RAP1A: variants seen among roughly 807,000 people sequenced by gnomAD.
RAP1A encodes RAP1A, member of RAS oncogene family.
In RAP1A, 6 loss-of-function variants were observed where a neutral mutation model predicts 26.4. That is an observed-to-expected ratio of 0.23 (90% CI 0.12 to 0.45). The LOEUF is 0.45. Ranked by LOEUF, RAP1A falls within the 20% of genes least tolerant of loss-of-function variation. The pLI is 0.99. For missense variants in RAP1A, 121 were observed against 217.2 expected (o/e 0.56, Z 2.78); for synonymous variants, 73 against 79.4 (o/e 0.92, Z 0.43).
chr1:111,616,070 T>G (rs971211059), upstream of RAP1A, among the ~76,000 whole-genome samples: 1 of 152,002 alleles, frequency 6.6e-6, no homozygotes, highest in African/African-American at 2.4e-5. Flanking sequence ...GGTAGTGCCA[T>G]GAACAGAAAA....
rs866563379 is a variant in RAP1A, at chr1:111,574,212, G to A, written c.-28+31703G>A. Among the ~76,000 whole-genome samples, 47 of 152,298 alleles carry A rather than the reference G, an allele frequency of 3.1e-4. 1 individual carries two copies. The highest frequency in any genetic ancestry group is 3.4e-3 in the Middle Eastern group (1 of 294). ...CACCTAGCACTATGTATTGAATAAG[G>A]AGCCCTTTCCTCATTGCTTGTTTTT... On this transcript the variant is annotated intron_variant, in intron 1 of 7. Coordinates refer to the RAP1A transcript ENST00000356415.
At chr1:111,608,116 C>G (rs1658842078) in intron 1 of RAP1A, 1 of 166,962 alleles carries the variant, frequency 6.0e-6, no homozygotes, top group Non-Finnish European at 1.3e-5. Flanking sequence ...GGGTGACTGC[C>G]GGGCGGAGGG....
At chr1:111,617,078 T>C (rs1659027870), upstream of RAP1A, among the ~76,000 whole-genome samples, 1 of 152,086 alleles carries the variant, frequency 6.6e-6, no homozygotes, top group Non-Finnish European at 1.5e-5. Flanking sequence ...GTGTGTGTTA[T>C]ATGCAGGATG....
chr1:111,695,368 G>A lies in RAP1A; in HGVS notation c.85G>A (p.Val29Ile). Residue 29 changes from valine to isoleucine, a missense_variant, in exon 3 of 8, where the codon GTT becomes ATT. Physicochemically the swap from Val to Ile is conservative, Grantham distance 29 (BLOSUM62 3). Transcript: ENST00000369709. The part of the protein sequence containing the change: ...LTVQFVQGIF[V>I]EKYDPTIEDS... ...AGTTCAGTTTGTTCAGGGAATTTTT[G>A]TTGAAAAATATGACCCAACGATAGA... The A allele has an allele frequency of 6.4e-7, 1 of 1,560,408 alleles. No individual in the cohort carries two copies. Among genetic ancestry groups the A allele is most frequent in the Admixed American group, 2.1e-5 (1 of 48,164 alleles).
At chr1:111,709,498 AGT>A (rs1243335970) in intron 7 of RAP1A, among the ~76,000 whole-genome samples, 1 of 152,190 alleles carries the variant, frequency 6.6e-6, no homozygotes, top group Non-Finnish European at 1.5e-5. Context: ...CTGTGTCCCC[AGT>A]GCTTGATACA....
intron 4 of RAP1A, among the ~76,000 whole-genome samples, chr1:111,698,568 T>C (rs1342088332): frequency 1.3e-5 from 2 of 152,086 alleles, no homozygotes; most frequent in East Asian, 3.9e-4. Flanking sequence ...GGCACCTGGC[T>C]GGCATTTTTA....
At chr1:111,658,544 T>C (rs1660535840) in intron 1 of RAP1A, among the ~76,000 whole-genome samples, 1 of 152,226 alleles carries the variant, frequency 6.6e-6, no homozygotes, top group African/African-American at 2.4e-5. Flanking sequence ...TTTTTTACTT[T>C]TTAGACATTT....
At chr1:111,639,859 TG>T in intron 1 of RAP1A, among the ~76,000 whole-genome samples, 1 of 152,240 alleles carries the variant, frequency 6.6e-6, no homozygotes, top group East Asian at 1.9e-4. Context: ...TCTATCAAAG[TG>T]AAAAGCCAAC....
rs201725303 is a variant in RAP1A, at chr1:111,619,884, AGGAGGAGGT to A, written c.-51_-43del. 355 of 243,882 alleles carry A rather than the reference AGGAGGAGGT, an allele frequency of 1.5e-3. 1 individual carries two copies. Among genetic ancestry groups the A allele is most frequent in the South Asian group, 1.7e-3 (10 of 5,902 alleles). The allele number at this position is 243,882 out of a possible 1,614,324, so 15.1% of individuals were successfully genotyped here. ...ACGGCCGAGAGGAGGGAGGAGGAGG[AGGAGGAGGT>A]GGAGGAGGTGGAGGAGGTGGAGGAG... On this transcript the variant is annotated 5_prime_UTR_variant, in exon 1 of 8. Transcript: ENST00000369709.
intron 1 of RAP1A, among the ~76,000 whole-genome samples, chr1:111,668,099 A>G (rs535506492): frequency 6.6e-6 from 1 of 152,322 alleles, no homozygotes; most frequent in South Asian, 2.1e-4. Context: ...TTATTCTTTG[A>G]CATTTTATAG....
Position 111,630,641 on chromosome 1 carries a change from A to G in RAP1A, c.-28+10707A>G, listed in dbSNP as rs143642050. ...AAGCTCGCTGAGATGGTGATATTTA[A>G]TGTGGCACCTGAATTACAAAATGCC... is the stretch of plus-strand genomic sequence containing the variant. On this transcript the variant is annotated intron_variant, in intron 1 of 7. Coordinates refer to ENST00000369709, the MANE Select transcript of RAP1A (RefSeq NM_002884.4). Among the ~76,000 whole-genome samples, 478 of 152,294 alleles carry G rather than the reference A, an allele frequency of 3.1e-3. 2 individuals are homozygous for G. The highest frequency in any genetic ancestry group is 0.01 in the African/African-American group (430 of 41,574).
intron 1 of RAP1A, among the ~76,000 whole-genome samples, chr1:111,576,119 T>C (rs1438460223): frequency 6.6e-6 from 1 of 152,148 alleles, no homozygotes; most frequent in Non-Finnish European, 1.5e-5. Flanking sequence ...AACTTTAAAG[T>C]GCATATGGAT....
At chr1:111,684,054 CAAAA>C (rs1346186428) in intron 1 of RAP1A, among the ~76,000 whole-genome samples, 3 of 152,068 alleles carry the variant, frequency 2.0e-5, no homozygotes, top group Admixed American at 1.3e-4. Flanking sequence ...GAACCAATGA[CAAAA>C]AACACAAGAT....
At chr1:111,662,157 AG>A (rs1436196087) in intron 1 of RAP1A, among the ~76,000 whole-genome samples, 8 of 152,092 alleles carry the variant, frequency 5.3e-5, no homozygotes, top group African/African-American at 1.9e-4. Context: ...GCACTTTGGG[AG>A]GCCGAGGCGG....
chr1:111,581,011 T>G (rs1377792793), intron 1 of RAP1A, among the ~76,000 whole-genome samples: 1 of 119,242 alleles, frequency 8.4e-6, no homozygotes, highest in Non-Finnish European at 2.0e-5. Flanking sequence ...AACTGTCAAA[T>G]GTCACACAGG....
intron 1 of RAP1A, among the ~76,000 whole-genome samples, chr1:111,607,898 G>A (rs1658830636): frequency 7.3e-6 from 1 of 137,300 alleles, no homozygotes; most frequent in Admixed American, 7.2e-5. Context: ...CGGACGGGGC[G>A]GCTGGCCGGG....
intron 7 of RAP1A, among the ~76,000 whole-genome samples, chr1:111,711,804 T>G (rs1007468452): frequency 1.3e-5 from 2 of 152,232 alleles, no homozygotes; most frequent in African/African-American, 4.8e-5. Context: ...TGAATCATGT[T>G]AATCTCCTTT....
At chr1:111,634,399 C>A (rs1659661556) in intron 1 of RAP1A, among the ~76,000 whole-genome samples, 1 of 151,674 alleles carries the variant, frequency 6.6e-6, no homozygotes, top group Non-Finnish European at 1.5e-5. Context: ...CCAGTGTTTA[C>A]ATAGTATGAT....
intron 1 of RAP1A, among the ~76,000 whole-genome samples, chr1:111,654,385 G>T (rs1200500206): frequency 1.3e-5 from 2 of 152,120 alleles, no homozygotes; most frequent in Admixed American, 1.3e-4. Flanking sequence ...CCTGAGTTAG[G>T]TGGTATCATT....
Sources: gnomAD v4.1 joint callset for allele counts (sites outside exome capture counted in the v4.1 genomes callset) on GRCh38, gnomAD v4.1.1 for gene constraint, MANE v1.5 for transcripts, NCBI Gene and HGNC (gene_info 2026-07-23, HGNC 2026-07-21) for gene names.